PKIG: variants seen among roughly 807,000 people sequenced by gnomAD.
PKIG encodes protein kinase (cAMP-dependent, catalytic) inhibitor gamma.
Under a neutral mutation model 6.8 loss-of-function variants are expected in PKIG, and 1 was observed. The observed-to-expected ratio is 0.15, with a 90% CI of 0.05 to 0.69. The LOEUF (loss-of-function observed/expected upper bound fraction) is 0.69. Among genes scored for constraint, PKIG ranks in the 30% least tolerant of loss-of-function variants. The pLI, the probability that PKIG is intolerant of heterozygous loss-of-function variation, is 0.82. For missense variants in PKIG, 77 were observed against 104.0 expected (o/e 0.74, Z 1.13); for synonymous variants, 39 against 43.0 (o/e 0.91, Z 0.36).
chr20:44,570,962 C>T (rs942802107), intron 1 of PKIG, among the ~76,000 whole-genome samples: 7 of 151,974 alleles, frequency 4.6e-5, no homozygotes, highest in Admixed American at 1.3e-4. Flanking sequence ...GGCCAGGCAC[C>T]GTGGCTCACG....
chr20:44,562,962 A>G (rs985724404), intron 1 of PKIG, among the ~76,000 whole-genome samples: 4 of 152,092 alleles, frequency 2.6e-5, no homozygotes, highest in Non-Finnish European at 4.4e-5. Flanking sequence ...AAGCAGGAGA[A>G]TCGCTTGAAC....
chr20:44,591,121 G>T (rs1334614344), intron 2 of PKIG, among the ~76,000 whole-genome samples: 4 of 152,168 alleles, frequency 2.6e-5, no homozygotes, highest in African/African-American at 7.2e-5. Flanking sequence ...GAGGGCTAGT[G>T]GGCAGAGGGT....
intron 1 of PKIG, among the ~76,000 whole-genome samples, chr20:44,559,864 T>C (rs2064750861): frequency 6.6e-6 from 1 of 152,154 alleles, no homozygotes; most frequent in African/African-American, 2.4e-5. Context: ...ATCTGTGAGA[T>C]TAATTTCAAG....
At chr20:44,608,253 G>C (rs2065184792) in intron 2 of PKIG, among the ~76,000 whole-genome samples, 1 of 152,070 alleles carries the variant, frequency 6.6e-6, no homozygotes, top group African/African-American at 2.4e-5. Context: ...AAATATAACA[G>C]ATTTTAAAAT....
chr20:44,545,962 C>A (rs561816347), intron 1 of PKIG, among the ~76,000 whole-genome samples: 1 of 151,772 alleles, frequency 6.6e-6, no homozygotes, highest in South Asian at 2.1e-4. Context: ...CAAGAAAAGG[C>A]CTTCACTGGG....
chr20:44,597,993 G>GT (rs1279485477), intron 2 of PKIG, among the ~76,000 whole-genome samples: 1 of 152,224 alleles, frequency 6.6e-6, no homozygotes, highest in Non-Finnish European at 1.5e-5. Context: ...CATGGTTTCT[G>GT]TGGGTCAGGA....
At chr20:44,553,649 G>T (rs2064688019) in intron 1 of PKIG, among the ~76,000 whole-genome samples, 1 of 152,082 alleles carries the variant, frequency 6.6e-6, no homozygotes, top group South Asian at 2.1e-4. Context: ...TTGGTGCTAG[G>T]GTTATGACAG....
At chr20:44,594,801 C>T (rs2065061829) in intron 2 of PKIG, among the ~76,000 whole-genome samples, 1 of 152,186 alleles carries the variant, frequency 6.6e-6, no homozygotes, top group Non-Finnish European at 1.5e-5. Flanking sequence ...TTGGCCTCTA[C>T]TCTGCCTCCA....
chr20:44,547,687 C>G (rs539017457), intron 1 of PKIG, among the ~76,000 whole-genome samples: 1 of 152,180 alleles, frequency 6.6e-6, no homozygotes, highest in Non-Finnish European at 1.5e-5. Flanking sequence ...GGACACCGAC[C>G]TTTCTGAGCT....
At chr20:44,552,071 C>G (rs918235597) in intron 1 of PKIG, among the ~76,000 whole-genome samples, 2 of 152,198 alleles carry the variant, frequency 1.3e-5, no homozygotes, top group African/African-American at 2.4e-5. Context: ...TCTGTTTCTT[C>G]TAGCTTTATT....
At chr20:44,533,052 G>A (rs1453352600) in intron 1 of PKIG, among the ~76,000 whole-genome samples, 1 of 152,178 alleles carries the variant, frequency 6.6e-6, no homozygotes, top group Non-Finnish European at 1.5e-5. Flanking sequence ...CCGGAGGTGT[G>A]TGTCTTTGAT....
chr20:44,601,403 G>A (rs937294980), intron 2 of PKIG, among the ~76,000 whole-genome samples: 5 of 152,262 alleles, frequency 3.3e-5, no homozygotes, highest in African/African-American at 1.2e-4. Flanking sequence ...GCCCCAAGGC[G>A]CTGGGTAGGG....
chr20:44,616,553 C>T (rs968609616), intron 3 of PKIG, among the ~76,000 whole-genome samples: 1 of 152,226 alleles, frequency 6.6e-6, no homozygotes, highest in Non-Finnish European at 1.5e-5. Flanking sequence ...CCCAGGCTCT[C>T]CTAACACCTG....
At chr20:44,542,608 A>T (rs1031902684) in intron 1 of PKIG, among the ~76,000 whole-genome samples, 6 of 151,674 alleles carry the variant, frequency 4.0e-5, no homozygotes, top group African/African-American at 1.2e-4. Context: ...TTTTTTCGAG[A>T]TGGAGTCTAG....
At position 44,533,120 on chromosome 20, in the gene PKIG, C is replaced by T. The variant is rs370197936; in HGVS notation, c.-241+1142C>T. 9.2e-5 allele frequency among the ~76,000 whole-genome samples: 14 copies of T among 152,264 alleles called. No individual in the cohort carries two copies. In the South Asian group the frequency reaches 2.7e-3, roughly 29 times the overall value. On this transcript the variant is annotated intron_variant, in intron 1 of 4. Transcript: ENST00000372887. ...GTGTTTCTCTCTTGGTCTTATCATT[C>T]CTCCCATCTGTTTTTCACTTTGCAG...
chr20:44,591,909 A>G (rs2065036893), intron 2 of PKIG, among the ~76,000 whole-genome samples: 1 of 152,158 alleles, frequency 6.6e-6, no homozygotes, highest in African/African-American at 2.4e-5. Context: ...GCCTGGGATG[A>G]GAGCAGTGAA....
chr20:44,566,809 G>A (rs1046751121), intron 1 of PKIG, among the ~76,000 whole-genome samples: 2 of 152,132 alleles, frequency 1.3e-5, no homozygotes, highest in African/African-American at 4.8e-5. Flanking sequence ...TTGTACTACT[G>A]TACTTCAGCC....
At chr20:44,615,866 T>G (rs1332594242) in intron 3 of PKIG, among the ~76,000 whole-genome samples, 1 of 152,162 alleles carries the variant, frequency 6.6e-6, no homozygotes, top group African/African-American at 2.4e-5. Flanking sequence ...TTGGAGGACT[T>G]GCTCTGGGCC....
intron 2 of PKIG, among the ~76,000 whole-genome samples, chr20:44,610,553 C>T (rs985884137): frequency 6.8e-6 from 1 of 148,142 alleles, no homozygotes; most frequent in Admixed American, 6.7e-5. Flanking sequence ...TGGCTCAACC[C>T]CACCCTGGGT....
Sources: allele counts gnomAD v4.1 joint callset (sites outside exome capture counted in the v4.1 genomes callset), GRCh38; gene constraint gnomAD v4.1.1; transcripts MANE v1.5; gene names NCBI Gene and HGNC (gene_info 2026-07-23, HGNC 2026-07-21).